Variants in RBMS1 observed in about 807,000 individuals in gnomAD.
RBMS1 encodes the protein RNA binding motif single stranded interacting protein 1.
In RBMS1, 17 loss-of-function variants were observed where a neutral mutation model predicts 62.3. The observed-to-expected ratio is 0.27, with a 90% CI of 0.19 to 0.41. RBMS1 has a LOEUF of 0.41. Ranked by LOEUF, RBMS1 falls within the 10% of genes least tolerant of loss-of-function variation. RBMS1 has a pLI of 1.00. For missense variants in RBMS1, 334 were observed against 504.5 expected (o/e 0.66, Z 3.24); for synonymous variants, 172 against 170.0 (o/e 1.01, Z -0.09).
chr2:160,449,004 G>T lies in RBMS1; in HGVS notation c.75+44285C>A, dbSNP rs965367418. On this transcript the variant is annotated intron_variant, in intron 1 of 13. Coordinates refer to ENST00000348849, the MANE Select transcript of RBMS1 (RefSeq NM_016836.4). ...GACCGCCACCCTGTCTGGGAGGTGAGGAGTGTGTCTGCCCGGCCACCCTGT... is the reference window on the plus strand; with the variant it reads ...GACCGCCACCCTGTCTGGGAGGTGATGAGTGTGTCTGCCCGGCCACCCTGT... Among the ~76,000 whole-genome samples, 3 of 151,656 alleles carry T rather than the reference G, an allele frequency of 2.0e-5. No individual in the cohort carries two copies. In the South Asian group the frequency reaches 6.3e-4, roughly 32 times the overall value.
At chr2:160,407,618 G>T in intron 1 of RBMS1, 1 of 982,002 alleles carries the variant, frequency 1.0e-6, no homozygotes, top group Non-Finnish European at 1.2e-6. Context: ...GGAGGTGGCC[G>T]GCCGGGCCCG....
At chr2:160,383,008 T>C (rs910030961) in intron 1 of RBMS1, among the ~76,000 whole-genome samples, 4 of 152,182 alleles carry the variant, frequency 2.6e-5, no homozygotes, top group African/African-American at 9.7e-5. Context: ...TACATGGACA[T>C]GAACCTATTC....
chr2:160,491,872 G>A (rs1249122141), intron 1 of RBMS1, among the ~76,000 whole-genome samples: 2 of 152,168 alleles, frequency 1.3e-5, no homozygotes, highest in Non-Finnish European at 2.9e-5. Flanking sequence ...TGAATAAGGG[G>A]TATCCTTGCT....
At chr2:160,465,066 C>T (rs910594886) in intron 1 of RBMS1, among the ~76,000 whole-genome samples, 1 of 152,080 alleles carries the variant, frequency 6.6e-6, no homozygotes, top group African/African-American at 2.4e-5. Context: ...GAGGATGTTC[C>T]AAAGTGAGTT....
At chr2:160,435,863 A>C (rs1485587063) in intron 1 of RBMS1, among the ~76,000 whole-genome samples, 2 of 152,196 alleles carry the variant, frequency 1.3e-5, no homozygotes, top group African/African-American at 4.8e-5. Context: ...TGTGTAACTA[A>C]ATGTTTCATC....
At chr2:160,307,391 T>G (rs1241148739) in intron 4 of RBMS1, among the ~76,000 whole-genome samples, 1 of 134,566 alleles carries the variant, frequency 7.4e-6, no homozygotes, top group Non-Finnish European at 1.6e-5. Flanking sequence ...AAGTGTAAAC[T>G]TCCCAACAGC....
intron 4 of RBMS1, among the ~76,000 whole-genome samples, chr2:160,308,804 T>C (rs978856415): frequency 2.0e-5 from 3 of 152,194 alleles, no homozygotes; most frequent in Non-Finnish European, 4.4e-5. Flanking sequence ...GGGGGAAAGC[T>C]AGTATTTGAA....
intron 1 of RBMS1, among the ~76,000 whole-genome samples, chr2:160,481,023 G>C (rs984608216): frequency 1.3e-5 from 2 of 148,212 alleles, no homozygotes; most frequent in African/African-American, 5.0e-5. Context: ...AGAGGTTGCA[G>C]TGAGCCTAGA....
chr2:160,429,500 C>A (rs1682799370), intron 1 of RBMS1, among the ~76,000 whole-genome samples: 1 of 152,078 alleles, frequency 6.6e-6, no homozygotes, highest in South Asian at 2.1e-4. Context: ...ACCTCTGAAA[C>A]AATAAAAACT....
At chr2:160,412,888 G>A (rs1270566787) in intron 1 of RBMS1, among the ~76,000 whole-genome samples, 2 of 152,204 alleles carry the variant, frequency 1.3e-5, no homozygotes, top group African/African-American at 4.8e-5. Context: ...TTCCTAAAAG[G>A]GGAAGGTGAG....
At chr2:160,288,529 T>G (rs1358945617) in intron 6 of RBMS1, among the ~76,000 whole-genome samples, 1 of 152,124 alleles carries the variant, frequency 6.6e-6, no homozygotes, top group Non-Finnish European at 1.5e-5. Context: ...TGTGAACCAC[T>G]CTGGAGGGAT....
intron 2 of RBMS1, among the ~76,000 whole-genome samples, chr2:160,363,810 G>A (rs1421225028): frequency 6.6e-6 from 1 of 152,068 alleles, no homozygotes; most frequent in Non-Finnish European, 1.5e-5. Context: ...TAGAAAGAGT[G>A]GAGAATAACC....
At chr2:160,356,506 G>A (rs941818881) in intron 2 of RBMS1, among the ~76,000 whole-genome samples, 1 of 152,134 alleles carries the variant, frequency 6.6e-6, no homozygotes, top group African/African-American at 2.4e-5. Context: ...TACACTTGGA[G>A]AGGCAGAAAG....
At chr2:160,486,930 C>T (rs764808967) in intron 1 of RBMS1, among the ~76,000 whole-genome samples, 12 of 152,178 alleles carry the variant, frequency 7.9e-5, no homozygotes. Flanking sequence ...AGTTATATTT[C>T]TGTATAACCA....
intron 1 of RBMS1, among the ~76,000 whole-genome samples, chr2:160,457,953 T>TTTGTTG (rs60006211): frequency 0.057 from 8,571 of 150,518 alleles, 312 homozygotes; most frequent in South Asian, 0.14. Flanking sequence ...TATTGGTTTG[T>TTTGTTG]TTGTTGTTGT....
intron 11 of RBMS1, 47 bp downstream of exon 11, chr2:160,278,501 T>C (rs1687947287): frequency 2.0e-6 from 3 of 1,470,424 alleles, no homozygotes; most frequent in Non-Finnish European, 2.8e-6. Context: ...TGCATTAATT[T>C]ACCCTCCTCT....
At position 160,367,082 on chromosome 2, in the gene RBMS1, C is replaced by A. The variant is rs899042299; in HGVS notation, c.251+134G>T. On this transcript the variant is annotated intron_variant, in intron 2 of 13. Coordinates refer to ENST00000348849, the MANE Select transcript of RBMS1 (RefSeq NM_016836.4). ...TATTTAAGAAGTTAAAACTTGAAAC[C>A]CATTTTATTGTTGTGACACTGAGAG... is the stretch of plus-strand genomic sequence containing the variant. 11 of 819,748 alleles carry A rather than the reference C, an allele frequency of 1.3e-5. No individual in the cohort carries two copies. In the East Asian group the frequency reaches 2.2e-4, roughly 16 times the overall value. 50.8% of individuals were successfully genotyped at this position (819,748 alleles called of 1,614,324 possible).
intron 1 of RBMS1, among the ~76,000 whole-genome samples, chr2:160,476,844 G>A (rs1227092449): frequency 6.6e-6 from 1 of 152,070 alleles, no homozygotes; most frequent in Non-Finnish European, 1.5e-5. Flanking sequence ...GTGAGCCACC[G>A]CGCCCGGCCC....
Position 160,304,333 on chromosome 2 carries a change from C to A in RBMS1, c.403-846G>T, listed in dbSNP as rs531469023. On this transcript the variant is annotated intron_variant, in intron 4 of 13. Transcript: ENST00000348849. ...AGTCTTGCCAGAGCTGCAAAATGTT[C>A]TTGAAGTCTTGTGTTTTATCTTTAA... 5.4e-3 allele frequency among the ~76,000 whole-genome samples: 816 copies of A among 152,218 alleles called. 9 individuals are homozygous for A. Among genetic ancestry groups the A allele is most frequent in the African/African-American group, 0.019 (769 of 41,544 alleles).
Sources: gnomAD v4.1 joint callset for allele counts (sites outside exome capture counted in the v4.1 genomes callset) on GRCh38, gnomAD v4.1.1 for gene constraint, MANE v1.5 for transcripts, NCBI Gene and HGNC (gene_info 2026-07-23, HGNC 2026-07-21) for gene names.